The following PCDH9 variants were observed in gnomAD, a reference collection of about 807,000 sequenced individuals.
PCDH9 encodes protocadherin 9, also known as protocadherin-9.
Under a neutral mutation model 70.6 loss-of-function variants are expected in PCDH9, and 24 were observed. The observed-to-expected ratio is 0.34, with a 90% CI of 0.25 to 0.48. The LOEUF is 0.48. PCDH9 is among the 20% of genes least tolerant of loss of function. The pLI, the probability that PCDH9 is intolerant of heterozygous loss-of-function variation, is 0.99. For missense variants in PCDH9, 1,281 were observed against 1,503.6 expected (o/e 0.85, Z 2.45); for synonymous variants, 562 against 558.5 (o/e 1.01, Z -0.09).
chr13:66,427,661 C>A (rs1352155296), intron 4 of PCDH9, among the ~76,000 whole-genome samples: 3 of 151,694 alleles, frequency 2.0e-5, no homozygotes, highest in African/African-American at 4.8e-5. Flanking sequence ...AAACTTTTAG[C>A]CTCTTCCCAC....
At chr13:66,714,591 GTCTA>G (rs1026473756) in intron 3 of PCDH9, among the ~76,000 whole-genome samples, 82 of 152,222 alleles carry the variant, frequency 5.4e-4, no homozygotes, top group African/African-American at 1.9e-3. Flanking sequence ...ATGACTGTCT[GTCTA>G]TCTAATCTGG....
At chr13:66,641,185 A>T (rs183700761) in intron 3 of PCDH9, among the ~76,000 whole-genome samples, 47 of 152,306 alleles carry the variant, frequency 3.1e-4, no homozygotes, top group African/African-American at 1.1e-3. Flanking sequence ...TCACTGACAG[A>T]TCATGGATTA....
intron 4 of PCDH9, among the ~76,000 whole-genome samples, chr13:66,322,183 A>G (rs1955767656): frequency 6.6e-6 from 1 of 151,908 alleles, no homozygotes; most frequent in African/African-American, 2.4e-5. Context: ...TTCTATGAGA[A>G]TACATTCTGG....
chr13:66,969,394 A>C (rs894461734), intron 2 of PCDH9, among the ~76,000 whole-genome samples: 3 of 151,988 alleles, frequency 2.0e-5, no homozygotes, highest in Admixed American at 6.6e-5. Context: ...CTTATTGCCC[A>C]TTGTTATATT....
intron 2 of PCDH9, among the ~76,000 whole-genome samples, chr13:67,084,836 G>A (rs540227685): frequency 1.4e-4 from 21 of 149,996 alleles, no homozygotes; most frequent in South Asian, 4.2e-4. Context: ...GCGTGGTGGC[G>A]GGCGCCTGTA....
chr13:66,417,999 T>C (rs1252736576), intron 4 of PCDH9, among the ~76,000 whole-genome samples: 2 of 152,224 alleles, frequency 1.3e-5, no homozygotes, highest in African/African-American at 4.8e-5. Context: ...GTGCAGAAGC[T>C]CTTTCATTTA....
At chr13:66,471,538 A>G (rs1958619566) in intron 4 of PCDH9, among the ~76,000 whole-genome samples, 1 of 152,226 alleles carries the variant, frequency 6.6e-6, no homozygotes, top group Non-Finnish European at 1.5e-5. Flanking sequence ...TTTTTATTTT[A>G]ACATTATAAT....
At chr13:67,115,290 T>C (rs906002971) in intron 2 of PCDH9, among the ~76,000 whole-genome samples, 1 of 152,234 alleles carries the variant, frequency 6.6e-6, no homozygotes, top group Non-Finnish European at 1.5e-5. Flanking sequence ...TCAAAGCTAA[T>C]GCTGGTCACA....
At chr13:66,980,698 T>C (rs1002707943) in intron 2 of PCDH9, among the ~76,000 whole-genome samples, 5 of 147,662 alleles carry the variant, frequency 3.4e-5, no homozygotes, top group African/African-American at 1.2e-4. Context: ...TTAGGATTCA[T>C]AAAAATTTTG....
chr13:67,070,119 A>C (rs1353737329), intron 2 of PCDH9, among the ~76,000 whole-genome samples: 1 of 151,380 alleles, frequency 6.6e-6, no homozygotes, highest in East Asian at 1.9e-4. Flanking sequence ...ATATATTTTA[A>C]ATAAAATAGG....
intron 2 of PCDH9, chr13:67,205,840 C>G (rs1645762254): frequency 6.6e-6 from 1 of 152,146 alleles, no homozygotes; most frequent in Non-Finnish European, 1.5e-5. Context: ...CCATGATAAA[C>G]AAATTTAATT....
chr13:67,051,382 A>ATTTATTTTT (rs2085320372), intron 2 of PCDH9, among the ~76,000 whole-genome samples: 1 of 70,996 alleles, frequency 1.4e-5, no homozygotes, highest in Non-Finnish European at 2.5e-5. Context: ...ACAATACAAG[A>ATTTATTTTT]TTTTTTTTTT....
intron 3 of PCDH9, among the ~76,000 whole-genome samples, chr13:66,698,895 CT>C (rs67333897): frequency 0.59 from 36,792 of 62,056 alleles, 9,945 homozygotes; most frequent in South Asian, 0.67. Context: ...CTCAATTCCT[CT>C]TTTTTTTTTT....
intron 2 of PCDH9, among the ~76,000 whole-genome samples, chr13:67,193,332 A>AACACACAC (rs71110637): frequency 6.1e-4 from 87 of 142,054 alleles, no homozygotes; most frequent in Middle Eastern, 3.6e-3. Context: ...TGGAGATTAA[A>AACACACAC]ACACACACAC....
chr13:66,665,074 A>C (rs2078074650), intron 3 of PCDH9, among the ~76,000 whole-genome samples: 1 of 151,568 alleles, frequency 6.6e-6, no homozygotes, highest in South Asian at 2.1e-4. Context: ...TTTTGCCAAA[A>C]TAGAAGGCTA....
At chr13:66,865,322 C>G (rs778890450) in intron 3 of PCDH9, among the ~76,000 whole-genome samples, 48 of 152,156 alleles carry the variant, frequency 3.2e-4, no homozygotes, top group Non-Finnish European at 6.3e-4. Context: ...AATGTACCAA[C>G]AGGCCATTCA....
At chr13:66,999,674 A>G (rs2084198706) in intron 2 of PCDH9, among the ~76,000 whole-genome samples, 1 of 151,970 alleles carries the variant, frequency 6.6e-6, no homozygotes, top group Non-Finnish European at 1.5e-5. Context: ...TGGGTGAAGG[A>G]CATGAACAGA....
At position 66,307,516 on chromosome 13, in the gene PCDH9, A is replaced by G. The variant is rs950684448; in HGVS notation, c.3341-2488T>C. 7.9e-5 allele frequency among the ~76,000 whole-genome samples: 12 copies of G among 152,224 alleles called. No homozygotes were observed. In the East Asian group the frequency reaches 2.1e-3, roughly 27 times the overall value. ...TGACAGCTTATAAATGAATAATTTA[A>G]CTTCTCTGTTAAATATATTTACTCC... On this transcript the variant is annotated intron_variant, in intron 4 of 4. Coordinates refer to ENST00000377865, the MANE Select transcript of PCDH9 (RefSeq NM_203487.3).
At chr13:66,897,083 A>G (rs182137838) in intron 3 of PCDH9, among the ~76,000 whole-genome samples, 3 of 152,284 alleles carry the variant, frequency 2.0e-5, no homozygotes, top group Admixed American at 2.0e-4. Context: ...TAACATGTTG[A>G]TATGAGTATA....
Sources: gnomAD v4.1 joint callset for allele counts (sites outside exome capture counted in the v4.1 genomes callset) on GRCh38, gnomAD v4.1.1 for gene constraint, MANE v1.5 for transcripts, NCBI Gene and HGNC (gene_info 2026-07-23, HGNC 2026-07-21) for gene names.